CADM1: variants seen among roughly 807,000 people sequenced by gnomAD.
CADM1 encodes the protein TSLC-1.
CADM1 carries 15 observed loss-of-function variants against 53.1 expected under a neutral mutation model. The ratio of observed to expected loss-of-function variants is 0.28; its 90% CI spans 0.19 to 0.44. The LOEUF is 0.44. Among genes scored for constraint, CADM1 ranks in the 20% least tolerant of loss-of-function variants. CADM1 has a pLI of 1.00. For synonymous variants in CADM1, 281 were observed against 243.0 expected, an observed-to-expected ratio of 1.16 and a Z score of -1.45; for missense variants, 434 against 611.3, an observed-to-expected ratio of 0.71 and a Z score of 3.06.
At chr11:115,456,314 A>G (rs934033990) in intron 1 of CADM1, among the ~76,000 whole-genome samples, 1 of 152,168 alleles carries the variant, frequency 6.6e-6, no homozygotes, top group Admixed American at 6.6e-5. Flanking sequence ...CTGATACAAA[A>G]AAAAAACTGC....
At position 115,174,616 on chromosome 11, in the gene CADM1, C is replaced by G. The variant is rs1307404479; in HGVS notation, c.*1858G>C. On this transcript the variant is annotated 3_prime_UTR_variant, in exon 12 of 12. Transcript: ENST00000331581. ...AAGACAAGAAAAATAAACATGTTTT[C>G]AAATAACAAAGAGTTGACACTTTTT... 2 of 984,182 alleles carry G rather than the reference C, an allele frequency of 2.0e-6. No homozygotes were observed. The highest frequency in any genetic ancestry group is 2.3e-4 in the East Asian group (2 of 8,808). 61.0% of individuals were successfully genotyped at this position (984,182 alleles called of 1,614,324 possible).
intron 1 of CADM1, among the ~76,000 whole-genome samples, chr11:115,337,238 C>T (rs1387735425): frequency 1.3e-5 from 2 of 152,162 alleles, no homozygotes; most frequent in Non-Finnish European, 2.9e-5. Flanking sequence ...TCCTTAGCTT[C>T]TGACTGAGAT....
intron 10 of CADM1, among the ~76,000 whole-genome samples, chr11:115,188,963 T>C (rs1254618984): frequency 6.6e-6 from 1 of 152,146 alleles, no homozygotes; most frequent in Non-Finnish European, 1.5e-5. Flanking sequence ...CAATCAATAG[T>C]AATTGATTAA....
chr11:115,201,114 A>T (rs1232225534), intron 8 of CADM1, among the ~76,000 whole-genome samples: 2 of 152,190 alleles, frequency 1.3e-5, no homozygotes, highest in African/African-American at 4.8e-5. Flanking sequence ...AAGAAAAAAC[A>T]CATTCTAAAA....
intron 1 of CADM1, among the ~76,000 whole-genome samples, chr11:115,450,884 C>T (rs534877924): frequency 4.0e-4 from 61 of 152,262 alleles, no homozygotes; most frequent in African/African-American, 1.4e-3. Flanking sequence ...TGAGATCTTT[C>T]CCCCACAACC....
intron 1 of CADM1, among the ~76,000 whole-genome samples, chr11:115,404,346 A>AAAAAAAAAATAT (rs1947251974): frequency 8.9e-5 from 3 of 33,778 alleles, no homozygotes; most frequent in African/African-American, 2.7e-4. Context: ...AAAAAAAAAA[A>AAAAAAAAAATAT]ATATATATAT....
At chr11:115,483,732 G>A (rs1224686935) in intron 1 of CADM1, among the ~76,000 whole-genome samples, 3 of 152,150 alleles carry the variant, frequency 2.0e-5, no homozygotes, top group Non-Finnish European at 4.4e-5. Flanking sequence ...TTAGTCTAGA[G>A]CTATGCAGCC....
At chr11:115,477,883 A>G (rs1444684988) in intron 1 of CADM1, among the ~76,000 whole-genome samples, 3 of 152,262 alleles carry the variant, frequency 2.0e-5, no homozygotes, top group Non-Finnish European at 4.4e-5. Context: ...TTGCATCCAG[A>G]TGAAATCCTG....
intron 1 of CADM1, among the ~76,000 whole-genome samples, chr11:115,459,021 G>A (rs1948738824): frequency 6.6e-6 from 1 of 152,150 alleles, no homozygotes; most frequent in East Asian, 1.9e-4. Flanking sequence ...GAGAGCCAAA[G>A]AGCAACATGT....
chr11:115,455,266 C>T (rs989323529), intron 1 of CADM1, among the ~76,000 whole-genome samples: 3 of 151,888 alleles, frequency 2.0e-5, no homozygotes, highest in African/African-American at 7.3e-5. Flanking sequence ...CTTTAAAAAT[C>T]ACGTGCAACT....
intron 1 of CADM1, among the ~76,000 whole-genome samples, chr11:115,326,311 T>C (rs1242414166): frequency 6.6e-6 from 1 of 152,194 alleles, no homozygotes; most frequent in Non-Finnish European, 1.5e-5. Context: ...GGTATTTATA[T>C]ATAAATAACC....
intron 1 of CADM1, chr11:115,241,079 A>G (rs897475921): frequency 1.3e-5 from 2 of 152,808 alleles, no homozygotes; most frequent in African/African-American, 4.8e-5. Flanking sequence ...CTATCTGCAA[A>G]TCACCCCCCA....
At chr11:115,228,821 TG>T (rs1334209897) in intron 5 of CADM1, among the ~76,000 whole-genome samples, 1 of 152,204 alleles carries the variant, frequency 6.6e-6, no homozygotes, top group Non-Finnish European at 1.5e-5. Context: ...ATTTTGCAGT[TG>T]GCATAGAAAT....
intron 1 of CADM1, among the ~76,000 whole-genome samples, chr11:115,296,111 C>T (rs1172111503): frequency 6.6e-6 from 1 of 152,036 alleles, no homozygotes; most frequent in Non-Finnish European, 1.5e-5. Context: ...CACCCATGCC[C>T]AGCTAATATT....
intron 1 of CADM1, among the ~76,000 whole-genome samples, chr11:115,418,800 T>C (rs1947679254): frequency 6.6e-6 from 1 of 152,164 alleles, no homozygotes; most frequent in Non-Finnish European, 1.5e-5. Flanking sequence ...TTACACAGAA[T>C]GACTGCAATA....
At chr11:115,220,285 C>A (rs1021362436) in intron 5 of CADM1, among the ~76,000 whole-genome samples, 1 of 152,114 alleles carries the variant, frequency 6.6e-6, no homozygotes, top group Non-Finnish European at 1.5e-5. Flanking sequence ...AAAACTTAAT[C>A]CACCCTGCTT....
chr11:115,433,603 A>C (rs1266932791), intron 1 of CADM1, among the ~76,000 whole-genome samples: 1 of 152,238 alleles, frequency 6.6e-6, no homozygotes, highest in African/African-American at 2.4e-5. Flanking sequence ...TGAGTTACAC[A>C]GGATCCTCAA....
chr11:115,401,934 T>TACA (rs1947168230), intron 1 of CADM1, among the ~76,000 whole-genome samples: 1 of 152,044 alleles, frequency 6.6e-6, no homozygotes, highest in Non-Finnish European at 1.5e-5. Flanking sequence ...AATTTTGCTG[T>TACA]GAATTTAAAA....
At chr11:115,436,392 A>G (rs1948183193) in intron 1 of CADM1, among the ~76,000 whole-genome samples, 1 of 152,148 alleles carries the variant, frequency 6.6e-6, no homozygotes, top group Admixed American at 6.5e-5. Flanking sequence ...CTCTCAGATA[A>G]TAATTGCAAT....
Sources: gnomAD v4.1 joint callset for allele counts (sites outside exome capture counted in the v4.1 genomes callset) on GRCh38, gnomAD v4.1.1 for gene constraint, MANE v1.5 for transcripts, NCBI Gene and HGNC (gene_info 2026-07-23, HGNC 2026-07-21) for gene names.